Variants in TMEM163 observed in about 807,000 individuals in gnomAD.
TMEM163 encodes the protein transmembrane protein 163.
Under a neutral mutation model 29.3 loss-of-function variants are expected in TMEM163, and 17 were observed. The observed-to-expected ratio is 0.58, with a 90% confidence interval of 0.40 to 0.87. TMEM163 has a LOEUF of 0.87. Among genes scored for constraint, TMEM163 ranks in the 40% least tolerant of loss-of-function variants. The pLI is 0.00. For missense variants in TMEM163, 303 were observed against 381.5 expected (o/e 0.79, Z 1.71); for synonymous variants, 157 against 160.6 (o/e 0.98, Z 0.17).
chr2:134,610,845 T>G (rs1682491196), intron 2 of TMEM163, among the ~76,000 whole-genome samples: 1 of 151,852 alleles, frequency 6.6e-6, no homozygotes, highest in Admixed American at 6.6e-5. Flanking sequence ...AGAATGTGAG[T>G]GTGGGGGTAG....
At chr2:134,595,078 AATTTTT>A (rs1355339678) in intron 2 of TMEM163, among the ~76,000 whole-genome samples, 3 of 151,824 alleles carry the variant, frequency 2.0e-5, no homozygotes, top group South Asian at 2.1e-4. Flanking sequence ...ATAAAGCATA[AATTTTT>A]ATTTTTATTT....
intron 2 of TMEM163, among the ~76,000 whole-genome samples, chr2:134,577,369 G>A (rs1681578894): frequency 6.6e-6 from 1 of 152,172 alleles, no homozygotes; most frequent in Admixed American, 6.5e-5. Flanking sequence ...AGTCCCTTTA[G>A]ACGGCGAAAA....
chr2:134,474,926 G>A (rs936701793), intron 5 of TMEM163, among the ~76,000 whole-genome samples: 3 of 152,142 alleles, frequency 2.0e-5, no homozygotes, highest in African/African-American at 7.2e-5. Context: ...CGATCTGGAT[G>A]CAAAAGCCAC....
At position 134,499,856 on chromosome 2, in the gene TMEM163, T is replaced by A. The variant is rs1248920554; in HGVS notation, c.555+3045A>T. On this transcript the variant is annotated intron_variant, in intron 5 of 7. Transcript: ENST00000281924. ...AGGCCCTAAACACTGGTCTCCCTGGTTTTGCCCAGATCCTACCCTCACAGC... is the reference window on the plus strand; with the variant it reads ...AGGCCCTAAACACTGGTCTCCCTGGATTTGCCCAGATCCTACCCTCACAGC... Among the ~76,000 whole-genome samples the A allele has an allele frequency of 2.6e-5, 4 of 152,156 alleles. No homozygotes were observed. In the East Asian group the frequency reaches 7.7e-4, roughly 29 times the overall value.
At chr2:134,565,107 G>A (rs1013189700) in intron 2 of TMEM163, among the ~76,000 whole-genome samples, 1 of 151,078 alleles carries the variant, frequency 6.6e-6, no homozygotes, top group Admixed American at 6.6e-5. Flanking sequence ...GTGTGGTAGC[G>A]CGTGCCTGTA....
chr2:134,649,887 T>C lies in TMEM163; in HGVS notation c.322+63313A>G, dbSNP rs544784082. ...CAGGCATGGTAGCACAGGCCTGTAG[T>C]CCCAGCTACTTGGGTGGCTGAAGTG... On this transcript the variant is annotated intron_variant, in intron 2 of 7. Transcript: ENST00000281924. 2.7e-3 allele frequency among the ~76,000 whole-genome samples: 404 copies of C among 151,356 alleles called. 2 individuals are homozygous for C. Among genetic ancestry groups the C allele is most frequent in the African/African-American group, 9.0e-3 (369 of 41,202 alleles).
chr2:134,471,740 C>T (rs1415769944), intron 5 of TMEM163, among the ~76,000 whole-genome samples: 1 of 152,186 alleles, frequency 6.6e-6, no homozygotes, highest in African/African-American at 2.4e-5. Flanking sequence ...TGCGGCCGCA[C>T]CTACCATGCC....
intron 5 of TMEM163, among the ~76,000 whole-genome samples, chr2:134,476,789 C>G (rs1162645843): frequency 1.3e-5 from 2 of 152,142 alleles, no homozygotes; most frequent in Non-Finnish European, 2.9e-5. Context: ...GTGTTTTATC[C>G]TCTATTAAGC....
rs938338741 is a variant in TMEM163, at chr2:134,460,408, C to T, written c.668-2235G>A. On this transcript the variant is annotated intron_variant, in intron 6 of 7. Coordinates refer to ENST00000281924, the MANE Select transcript of TMEM163 (RefSeq NM_030923.5). The surrounding 1 kb of genome is among the most constrained non-coding windows in gnomAD (Gnocchi z 4.3). ...CTCCCTCCTGCCTCCAGCTAACAGG[C>T]GAGCTTTGCCATTTTAACCGCCCCC... Among the ~76,000 whole-genome samples, 3 of 152,092 alleles carry T rather than the reference C, an allele frequency of 2.0e-5. No individual in the cohort carries two copies. The highest frequency in any genetic ancestry group is 1.9e-4 in the East Asian group (1 of 5,180).
At chr2:134,484,165 A>C (rs1299696726) in intron 5 of TMEM163, among the ~76,000 whole-genome samples, 2 of 152,146 alleles carry the variant, frequency 1.3e-5, no homozygotes, top group Admixed American at 6.5e-5. Flanking sequence ...TGTTTTTGGC[A>C]AAACCAGGAC....
intron 2 of TMEM163, among the ~76,000 whole-genome samples, chr2:134,629,145 C>T (rs888750921): frequency 6.6e-6 from 1 of 152,140 alleles, no homozygotes; most frequent in African/African-American, 2.4e-5. Flanking sequence ...ATACTATTAT[C>T]ACCACTATTT....
rs114543369 is a variant in TMEM163, at chr2:134,588,329, C to T, written c.323-36238G>A. ...AAGGGGAAGGAGATGAATGATTCTGCAATAAAGCCATCGTCCACCACTGCT... is the reference window on the plus strand; with the variant it reads ...AAGGGGAAGGAGATGAATGATTCTGTAATAAAGCCATCGTCCACCACTGCT... On this transcript the variant is annotated intron_variant, in intron 2 of 7. Transcript: ENST00000281924. 6.4e-3 allele frequency among the ~76,000 whole-genome samples: 977 copies of T among 152,284 alleles called. 16 individuals are homozygous for T. The highest frequency in any genetic ancestry group is 0.023 in the African/African-American group (940 of 41,552).
chr2:134,511,573 T>C (rs1294865932), intron 4 of TMEM163, among the ~76,000 whole-genome samples: 1 of 151,984 alleles, frequency 6.6e-6, no homozygotes, highest in African/African-American at 2.4e-5. Context: ...GAAGAGGTGA[T>C]GATAGAACAA....
chr2:134,633,661 T>C (rs186223883), intron 2 of TMEM163, among the ~76,000 whole-genome samples: 133 of 152,154 alleles, frequency 8.7e-4, no homozygotes, highest in African/African-American at 2.8e-3. Flanking sequence ...AAGAACAGTC[T>C]TAAAATATGC....
intron 4 of TMEM163, among the ~76,000 whole-genome samples, chr2:134,515,641 G>A (rs1426662336): frequency 1.3e-5 from 2 of 152,136 alleles, no homozygotes; most frequent in East Asian, 3.8e-4. Flanking sequence ...TTAAGTAACT[G>A]TGATACATCA....
At chr2:134,715,453 T>C (rs746457089) in intron 1 of TMEM163, among the ~76,000 whole-genome samples, 1 of 152,220 alleles carries the variant, frequency 6.6e-6, no homozygotes, top group Non-Finnish European at 1.5e-5. Context: ...GTGATATTTT[T>C]AAAATTAAAA....
At chr2:134,606,602 G>A (rs1046426684) in intron 2 of TMEM163, among the ~76,000 whole-genome samples, 4 of 152,164 alleles carry the variant, frequency 2.6e-5, no homozygotes, top group East Asian at 1.9e-4. Context: ...GGAGCTGCGC[G>A]AAGACAGGGG....
intron 5 of TMEM163, among the ~76,000 whole-genome samples, chr2:134,497,510 A>T (rs1679597484): frequency 1.3e-5 from 2 of 152,178 alleles, no homozygotes; most frequent in Admixed American, 6.5e-5. Context: ...GCCACTAATG[A>T]GCTGGTCATT....
chr2:134,496,389 T>A (rs507968), intron 5 of TMEM163, among the ~76,000 whole-genome samples: 31,102 of 151,838 alleles, frequency 0.2, 3,470 homozygotes, highest in South Asian at 0.38. Context: ...TTGACAAGAG[T>A]TCTATTTCCA....
Sources: gnomAD v4.1 joint callset for allele counts (sites outside exome capture counted in the v4.1 genomes callset) on GRCh38, gnomAD v4.1.1 for gene constraint, Gnocchi (gnomAD v3.1) non-coding constraint, MANE v1.5 for transcripts, NCBI Gene and HGNC (gene_info 2026-07-23, HGNC 2026-07-21) for gene names.